ZNF704: variants seen among roughly 807,000 people sequenced by gnomAD.
ZNF704 encodes the protein zinc finger protein 704, also known as glucocorticoid induced gene 1.
A neutral mutation model predicts 44.7 loss-of-function variants in ZNF704; 10 were observed. That is an observed-to-expected ratio of 0.22 (90% CI 0.14 to 0.38). The LOEUF is 0.38. Among genes scored for constraint, ZNF704 ranks in the 10% least tolerant of loss-of-function variants. ZNF704 has a pLI of 1.00. For missense variants in ZNF704, 390 were observed against 545.5 expected (o/e 0.71, Z 2.84); for synonymous variants, 211 against 207.6 (o/e 1.02, Z -0.14).
At chr8:80,829,780 A>T (rs1240876117) in intron 1 of ZNF704, among the ~76,000 whole-genome samples, 3 of 152,210 alleles carry the variant, frequency 2.0e-5, no homozygotes, top group African/African-American at 7.2e-5. Context: ...AAAAAAATTA[A>T]TCTCTCAATA....
intron 3 of ZNF704, among the ~76,000 whole-genome samples, chr8:80,688,038 T>C (rs1030094519): frequency 1.3e-5 from 2 of 152,094 alleles, no homozygotes; most frequent in Non-Finnish European, 2.9e-5. Context: ...AGACCCTGTC[T>C]GTACAGAAAA....
At chr8:80,727,268 C>CA (rs1421782109) in intron 2 of ZNF704, among the ~76,000 whole-genome samples, 2 of 152,146 alleles carry the variant, frequency 1.3e-5, no homozygotes, top group Non-Finnish European at 2.9e-5. Flanking sequence ...CAGGGCCAGA[C>CA]TTACGATCGG....
rs564202310 is a variant in ZNF704 at position 80,774,870 on chromosome 8, T to C, written c.221+46504A>G. On this transcript the variant is annotated intron_variant, in intron 2 of 8. Coordinates refer to ENST00000327835, the MANE Select transcript of ZNF704 (RefSeq NM_001033723.3). ...TTGTCTATGCTGTTGACATTTCCTA[T>C]TTGCCAGCTTCTTCAGCTCCAAGTC... Among the ~76,000 whole-genome samples, 3 of 152,338 alleles carry C rather than the reference T, an allele frequency of 2.0e-5. No homozygotes were observed. In the South Asian group the frequency reaches 6.2e-4, roughly 32 times the overall value.
chr8:80,848,703 AGT>A (rs1257933285), intron 1 of ZNF704, among the ~76,000 whole-genome samples: 2 of 151,644 alleles, frequency 1.3e-5, no homozygotes, highest in Non-Finnish European at 2.9e-5. Context: ...TAGGCATGGT[AGT>A]GTGTGTCAGT....
At chr8:80,861,670 C>T (rs1258709416) in intron 1 of ZNF704, among the ~76,000 whole-genome samples, 3 of 151,894 alleles carry the variant, frequency 2.0e-5, no homozygotes, top group Non-Finnish European at 4.4e-5. Flanking sequence ...GTCCCAGTCA[C>T]CTTCCCTTCT....
upstream of ZNF704, among the ~76,000 whole-genome samples, chr8:80,876,874 T>G (rs1586093811): frequency 2.0e-5 from 3 of 152,228 alleles, no homozygotes; most frequent in South Asian, 6.2e-4. Context: ...ACTAGCAAAA[T>G]GTGCTTTTAA....
At chr8:80,744,017 C>T (rs1387211504) in intron 2 of ZNF704, among the ~76,000 whole-genome samples, 1 of 152,046 alleles carries the variant, frequency 6.6e-6, no homozygotes, top group African/African-American at 2.4e-5. Context: ...GACTGCAAGA[C>T]AGGGAGATCT....
In ZNF704 at chr8:80,640,267, G is replaced by A. The variant is rs962213548; in HGVS notation, c.*1099C>T. Reference sequence around the variant, plus strand: ...GCTAAAGCATAAAACCTATAAAAGTGCACTCAGAATGGAAGTGGTTTGTTG... The same window carrying A: ...GCTAAAGCATAAAACCTATAAAAGTACACTCAGAATGGAAGTGGTTTGTTG... On this transcript the variant is annotated 3_prime_UTR_variant, in exon 9 of 9. Coordinates refer to ENST00000327835, the MANE Select transcript of ZNF704 (RefSeq NM_001033723.3). 1 of 152,606 alleles carries A rather than the reference G, an allele frequency of 6.6e-6. No individual in the cohort carries two copies. Among genetic ancestry groups the A allele is most frequent in the South Asian group, 2.1e-4 (1 of 4,824 alleles). The allele number at this position is 152,606 out of a possible 1,614,324, so 9.5% of individuals were successfully genotyped here. A position where few individuals can be genotyped will look rare whatever the true frequency, so the allele number is the denominator to read the frequency against.
intron 2 of ZNF704, among the ~76,000 whole-genome samples, chr8:80,748,308 G>A (rs538567471): frequency 6.6e-6 from 1 of 152,288 alleles, no homozygotes; most frequent in African/African-American, 2.4e-5. Flanking sequence ...GCCTAAGTAT[G>A]CTTGAGAGCC....
chr8:80,760,307 G>A (rs541303845), intron 2 of ZNF704, among the ~76,000 whole-genome samples: 132 of 152,214 alleles, frequency 8.7e-4, no homozygotes, highest in African/African-American at 3.1e-3. Context: ...TGATTAATGA[G>A]GCTGAATTCT....
intron 7 of ZNF704, 115 bp from the exon 8 acceptor site, chr8:80,643,244 G>T: frequency 1.6e-6 from 1 of 626,278 alleles, no homozygotes; most frequent in Non-Finnish European, 2.5e-6. Flanking sequence ...ATGAGGCCAG[G>T]CACGGTGATT....
chr8:80,880,755 A>G, the ZNF704 span, among the ~76,000 whole-genome samples: 1 of 152,274 alleles, frequency 6.6e-6, no homozygotes, highest in African/African-American at 2.4e-5. Flanking sequence ...AAGGTGATAT[A>G]TGATCACAAA....
chr8:80,677,719 C>T lies in ZNF704; in HGVS notation c.559-7116G>A, dbSNP rs962583810. Among the ~76,000 whole-genome samples, 8 of 152,236 alleles carry T rather than the reference C, an allele frequency of 5.3e-5. No homozygotes were observed. In the East Asian group the frequency reaches 1.5e-3, roughly 29 times the overall value. ...GATAGACTATATTCTATCCCAGTGC[C>T]TCACAGTGTCTGGCTCAATAAATAT... On this transcript the variant is annotated intron_variant, in intron 4 of 8. Coordinates refer to ENST00000327835, the MANE Select transcript of ZNF704 (RefSeq NM_001033723.3).
At chr8:80,674,140 C>T (rs915373125) in intron 4 of ZNF704, among the ~76,000 whole-genome samples, 1 of 152,168 alleles carries the variant, frequency 6.6e-6, no homozygotes, top group African/African-American at 2.4e-5. Flanking sequence ...GTATTTATTC[C>T]AAGGAGACGG....
At chr8:80,859,600 T>C (rs1313726342) in intron 1 of ZNF704, among the ~76,000 whole-genome samples, 1 of 152,216 alleles carries the variant, frequency 6.6e-6, no homozygotes, top group East Asian at 1.9e-4. Context: ...ATTCTTTATG[T>C]TTCTTAATAC....
intron 7 of ZNF704, among the ~76,000 whole-genome samples, chr8:80,647,621 G>A (rs566856790): frequency 6.6e-6 from 1 of 152,264 alleles, no homozygotes; most frequent in East Asian, 1.9e-4. Flanking sequence ...CGGCAGTGGT[G>A]GGGAGGGTCT....
intron 1 of ZNF704, among the ~76,000 whole-genome samples, chr8:80,845,080 C>T (rs1208082289): frequency 1.3e-5 from 2 of 152,158 alleles, no homozygotes; most frequent in African/African-American, 4.8e-5. Context: ...TATTCTATTT[C>T]TTTATTATAC....
chr8:80,733,912 G>C (rs1322305422), intron 2 of ZNF704, among the ~76,000 whole-genome samples: 1 of 152,102 alleles, frequency 6.6e-6, no homozygotes, highest in Non-Finnish European at 1.5e-5. Flanking sequence ...GGAAATCTTT[G>C]TATTGTTTTA....
chr8:80,762,203 T>C (rs1485393427), intron 2 of ZNF704, among the ~76,000 whole-genome samples: 1 of 152,224 alleles, frequency 6.6e-6, no homozygotes, highest in Non-Finnish European at 1.5e-5. Context: ...ATACATCACA[T>C]AGCAAATTGA....
Sources: gnomAD v4.1 joint callset for allele counts (sites outside exome capture counted in the v4.1 genomes callset) on GRCh38, gnomAD v4.1.1 for gene constraint, MANE v1.5 for transcripts, NCBI Gene and HGNC (gene_info 2026-07-23, HGNC 2026-07-21) for gene names.